USP54: variants seen among roughly 807,000 people sequenced by gnomAD.
USP54 encodes the protein ubiquitin specific peptidase 54, also known as ubiquitin carboxyl-terminal hydrolase 54.
Under a neutral mutation model 170.5 loss-of-function variants are expected in USP54, and 87 were observed. That is an observed-to-expected ratio of 0.51 (90% CI 0.43 to 0.61). The LOEUF (loss-of-function observed/expected upper bound fraction) is 0.61, where lower values mean the gene tolerates loss of function less well. Among genes scored for constraint, USP54 ranks in the 20% least tolerant of loss-of-function variants. USP54 has a pLI of 0.00. For missense variants in USP54, 1,786 were observed against 2,047.8 expected (o/e 0.87, Z 2.47); for synonymous variants, 655 against 742.8 (o/e 0.88, Z 1.92).
intron 4 of USP54, among the ~76,000 whole-genome samples, chr10:73,550,472 AT>A (rs1422763573): frequency 6.6e-6 from 1 of 151,856 alleles, no homozygotes; most frequent in Admixed American, 6.6e-5. Context: ...ACTCTTACAT[AT>A]TTTTTCTCTA....
At chr10:73,613,756 GT>G (rs1216236610) in intron 1 of USP54, among the ~76,000 whole-genome samples, 2 of 151,844 alleles carry the variant, frequency 1.3e-5, no homozygotes, top group African/African-American at 4.8e-5. Context: ...GCGCGTGCCT[GT>G]AATCCCAGCT....
chr10:73,618,453 T>A (rs1315223842), intron 1 of USP54, among the ~76,000 whole-genome samples: 1 of 150,154 alleles, frequency 6.7e-6, no homozygotes, highest in Non-Finnish European at 1.5e-5. Context: ...TGGTAAAAAA[T>A]TAGCTGGGGC....
intron 4 of USP54, among the ~76,000 whole-genome samples, chr10:73,549,198 G>A (rs1019214760): frequency 6.6e-6 from 1 of 151,948 alleles, no homozygotes; most frequent in Non-Finnish European, 1.5e-5. Flanking sequence ...TCAGGCCTTG[G>A]ACCTCTTGAC....
intron 20 of USP54, among the ~76,000 whole-genome samples, chr10:73,509,833 C>T (rs1441087746): frequency 6.6e-6 from 1 of 151,682 alleles, no homozygotes; most frequent in Non-Finnish European, 1.5e-5. Flanking sequence ...CATGGCAAAA[C>T]CCTGTCGCTC....
chr10:73,526,107 T>C (rs2062791148), intron 16 of USP54, among the ~76,000 whole-genome samples: 1 of 152,204 alleles, frequency 6.6e-6, no homozygotes, highest in South Asian at 2.1e-4. Context: ...TTTCTGTCCC[T>C]TCTTGCTCCC....
rs1300702348 is a variant in USP54 at position 73,530,500 on chromosome 10, C to G, written c.1471G>C (p.Ala491Pro). 14 of 1,609,104 alleles carry G rather than the reference C, an allele frequency of 8.7e-6. No individual in the cohort carries two copies. Among genetic ancestry groups the G allele is most frequent in the African/African-American group, 1.3e-5 (1 of 74,556 alleles). The part of the protein sequence containing the change: ...SEGETLKEKQ[A>P]PRNASKPSSS... ...GATGGTTTGGAGGCATTTCTAGGAG[C>G]CTGCTTCTCTTTCAGTGTTTCTCCT... The change falls in exon 14 of 24, where the codon GCT becomes CCT. Residue 491 changes from alanine (A) to proline (P), a missense_variant. Physicochemically the swap from Ala to Pro is conservative, Grantham distance 27. Around this residue, in one of 3 missense-constraint regions of USP54, gnomAD observed 1,418 missense variants for 1,569.0 expected, o/e 0.90. Coordinates refer to ENST00000687698, the MANE Select transcript of USP54 (RefSeq NM_001391956.1).
rs1288963206 is a variant in USP54 at position 73,516,694 on chromosome 10, C to G, written c.3732G>C (p.Arg1244Ser). 2 of 1,614,188 alleles carry G rather than the reference C, an allele frequency of 1.2e-6. No homozygotes were observed. Among genetic ancestry groups the G allele is most frequent in the Non-Finnish European group, 1.7e-6 (2 of 1,180,038 alleles). Residue 1244 changes from arginine (R) to serine (S), a missense_variant, in exon 20 of 24, where the codon AGG (arginine) becomes AGC (serine). Around this residue, in one of 3 missense-constraint regions of USP54, gnomAD observed 1,418 missense variants for 1,569.0 expected, o/e 0.90. Coordinates refer to ENST00000687698, the MANE Select transcript of USP54 (RefSeq NM_001391956.1). ...CAGTACTGCTGCCCAGATCCTTAGA[C>G]CTAACATCTCTCACTTGGGACAGCT... ...QEKLSQVRDV[R>S]SKDLGSSTDL...
chr10:73,524,864 A>G (rs1011249685), intron 16 of USP54, among the ~76,000 whole-genome samples: 1 of 152,218 alleles, frequency 6.6e-6, no homozygotes, highest in African/African-American at 2.4e-5. Context: ...GGTTAAATTC[A>G]TAATCATGCT....
chr10:73,566,122 C>T (rs1240951555), intron 4 of USP54, among the ~76,000 whole-genome samples: 2 of 151,830 alleles, frequency 1.3e-5, no homozygotes, highest in Non-Finnish European at 2.9e-5. Flanking sequence ...CCCAGCTACT[C>T]GGGAGGATGA....
Position 73,500,784 on chromosome 10 carries a change from A to G in USP54, c.4366T>C (p.Ser1456Pro). The G allele has an allele frequency of 6.2e-7, 1 of 1,601,364 alleles. No individual in the cohort carries two copies. Among genetic ancestry groups the G allele is most frequent in the Non-Finnish European group, 8.5e-7 (1 of 1,175,650 alleles). Residue 1456 changes from serine (S) to proline (P), a missense_variant, in exon 23 of 24, where the codon TCT becomes CCT. Around this residue, in one of 3 missense-constraint regions of USP54, gnomAD observed 1,418 missense variants for 1,569.0 expected, o/e 0.90. Transcript: ENST00000687698. ...LETGHRCSSS[S>P]SLPVIHDPSV... ...GGGTCATGGATGACAGGGAGGGAAG[A>G]GGAGCTGGAACAACGGTGCCCGGTT...
chr10:73,516,474 C>G lies in USP54; in HGVS notation c.3952G>C (p.Glu1318Gln), dbSNP rs1268599943. 1.2e-6 allele frequency: 2 copies of G among 1,614,004 alleles called. No homozygotes were observed. Among genetic ancestry groups the G allele is most frequent in the African/African-American group, 2.7e-5 (2 of 74,904 alleles). Reference sequence around the variant, plus strand: ...CTGGCCTGATACAGAGACTCCAATTCTGAGGTCTCCTGCTCTGTGTCTTGG... The same window carrying G: ...CTGGCCTGATACAGAGACTCCAATTGTGAGGTCTCCTGCTCTGTGTCTTGG... ...WNQDTEQETSELESLYQASLQ... is the reference protein window; with the variant it reads ...WNQDTEQETSQLESLYQASLQ... The change falls in exon 20 of 24, where the codon GAA (glutamate) becomes CAA (glutamine). Residue 1318 changes from glutamate to glutamine, a missense_variant. By Grantham distance (29) the Glu-to-Gln change is conservative. Transcript: ENST00000687698.
intron 1 of USP54, among the ~76,000 whole-genome samples, chr10:73,622,688 C>T (rs965371688): frequency 6.6e-6 from 1 of 152,064 alleles, no homozygotes; most frequent in African/African-American, 2.4e-5. Context: ...CGAGGTGGCT[C>T]ACGCCTATAA....
chr10:73,612,260 C>T (rs2080210884), intron 1 of USP54, among the ~76,000 whole-genome samples: 1 of 152,094 alleles, frequency 6.6e-6, no homozygotes, highest in Admixed American at 6.6e-5. Context: ...AATGCAACCC[C>T]TCTAACTCAG....
Position 73,607,825 on chromosome 10 carries a change from C to T in USP54, c.-18+17742G>A, listed in dbSNP as rs547220073. On this transcript the variant is annotated intron_variant, in intron 1 of 22. Transcript: ENST00000339859. ...CAGCCTGGGAGACAGAGCAAGACTC[C>T]GTCTCAAAAAAAAAAAAAAAAAGAA... 6.4e-5 allele frequency among the ~76,000 whole-genome samples: 9 copies of T among 139,642 alleles called. No individual in the cohort carries two copies. The South Asian group carries it at 1.9e-3, about 29-fold the overall frequency. The allele number at this position is 139,642 out of a possible 152,430, so 91.6% of individuals were successfully genotyped here.
chr10:73,572,875 A>G (rs1001783420), intron 3 of USP54, among the ~76,000 whole-genome samples: 5 of 152,210 alleles, frequency 3.3e-5, no homozygotes, highest in Admixed American at 6.5e-5. Context: ...GAAAAAAACA[A>G]TTACAAAAAT....
At chr10:73,519,629 G>A in intron 19 of USP54, 168 bp downstream of exon 19, 2 of 998,460 alleles carry the variant, frequency 2.0e-6, no homozygotes, top group Non-Finnish European at 2.9e-6. Context: ...ATAAGGACCA[G>A]CAGTACAATG....
At chr10:73,513,941 A>C (rs1366790529) in intron 20 of USP54, among the ~76,000 whole-genome samples, 1 of 152,016 alleles carries the variant, frequency 6.6e-6, no homozygotes, top group Non-Finnish European at 1.5e-5. Flanking sequence ...TCAGCCCCCC[A>C]AATAGCTGGG....
rs186013271 is a variant in USP54, at chr10:73,506,644, A to T, written c.4052-1218T>A. The T allele has an allele frequency of 1.9e-3, 290 of 152,288 alleles. 1 individual carries two copies. Among genetic ancestry groups the T allele is most frequent in the African/African-American group, 6.5e-3 (272 of 41,554 alleles). 9.4% of individuals were successfully genotyped at this position (152,288 alleles called of 1,614,324 possible). A position where few individuals can be genotyped will look rare whatever the true frequency, so the allele number is the denominator to read the frequency against. On this transcript the variant is annotated intron_variant, in intron 20 of 23. Coordinates refer to ENST00000687698, the MANE Select transcript of USP54 (RefSeq NM_001391956.1). Reference sequence around the variant, plus strand: ...AATGCAGTGCTTTCAATACCACCTCAGATTCATCTGGGAACTTTTAAAAAT... The same window carrying T: ...AATGCAGTGCTTTCAATACCACCTCTGATTCATCTGGGAACTTTTAAAAAT...
chr10:73,529,646 G>A (rs1256162514), intron 15 of USP54, 34 bp downstream of exon 15: 1 of 1,613,288 alleles, frequency 6.2e-7, no homozygotes, highest in Non-Finnish European at 8.5e-7. Context: ...ATTGCTGCAA[G>A]AGACAATGTT....
Sources: gnomAD v4.1 joint callset for allele counts (sites outside exome capture counted in the v4.1 genomes callset) on GRCh38, gnomAD v4.1.1 for gene constraint, gnomAD v4.1.1 regional missense constraint, MANE v1.5 for transcripts, NCBI Gene and HGNC (gene_info 2026-07-23, HGNC 2026-07-21) for gene names.